The following ATXN1 variants were observed in gnomAD, a reference collection of about 807,000 sequenced individuals.
ATXN1 encodes ataxin-1.
In ATXN1, 8 loss-of-function variants were observed where a neutral mutation model predicts 56.4. That is an observed-to-expected ratio of 0.14 (90% CI 0.08 to 0.26). ATXN1 has a LOEUF of 0.26. Ranked by LOEUF, ATXN1 falls within the 10% of genes least tolerant of loss-of-function variation. The pLI, the probability that ATXN1 is intolerant of heterozygous loss-of-function variation, is 1.00. For synonymous variants in ATXN1, 514 were observed against 494.6 expected, an observed-to-expected ratio of 1.04 and a Z score of -0.52; for missense variants, 987 against 1,106.5, an observed-to-expected ratio of 0.89 and a Z score of 1.53.
At chr6:16,366,565 G>A (rs1309045345) in intron 6 of ATXN1, among the ~76,000 whole-genome samples, 1 of 152,148 alleles carries the variant, frequency 6.6e-6, no homozygotes, top group African/African-American at 2.4e-5. Flanking sequence ...TGGATCACTT[G>A]AGGTCAGGTG....
chr6:16,370,257 C>T (rs1413109613), intron 6 of ATXN1, among the ~76,000 whole-genome samples: 2 of 152,160 alleles, frequency 1.3e-5, no homozygotes, highest in African/African-American at 4.8e-5. Flanking sequence ...AGGAATTGTT[C>T]TTTCCACATC....
At chr6:16,415,969 A>G (rs1164904964) in intron 6 of ATXN1, among the ~76,000 whole-genome samples, 1 of 152,156 alleles carries the variant, frequency 6.6e-6, no homozygotes, top group African/African-American at 2.4e-5. Flanking sequence ...CCCTCCCTTC[A>G]GAATGAGTGG....
intron 3 of ATXN1, among the ~76,000 whole-genome samples, chr6:16,588,763 T>C (rs2113768198): frequency 6.6e-6 from 1 of 152,270 alleles, no homozygotes; most frequent in African/African-American, 2.4e-5. Context: ...TAAAATCTTC[T>C]GAGTGAATAA....
At chr6:16,335,193 C>T (rs1359942350) in intron 6 of ATXN1, among the ~76,000 whole-genome samples, 1 of 152,230 alleles carries the variant, frequency 6.6e-6, no homozygotes, top group Non-Finnish European at 1.5e-5. Flanking sequence ...TTGCTGTGTC[C>T]TCAGTGGAAA....
chr6:16,396,226 ATG>A (rs995822248), intron 6 of ATXN1, among the ~76,000 whole-genome samples: 4 of 151,750 alleles, frequency 2.6e-5, no homozygotes, highest in African/African-American at 9.7e-5. Context: ...AGGCTAATGT[ATG>A]TGTTTGTGTC....
rs1449714056 is a variant in ATXN1 at position 16,649,603 on chromosome 6, T to C, written c.-489+8173A>G. 2.6e-5 allele frequency among the ~76,000 whole-genome samples: 4 copies of C among 152,380 alleles called. No individual in the cohort carries two copies. In the East Asian group the frequency reaches 5.8e-4, roughly 22 times the overall value. ...AAAGATATACGCCAGTAGTTTAGTT[T>C]AAATGATGTGAGGCTGAATCCAACT... is the stretch of plus-strand genomic sequence containing the variant. On this transcript the variant is annotated intron_variant, in intron 3 of 7. Transcript: ENST00000436367.
intron 2 of ATXN1, among the ~76,000 whole-genome samples, chr6:16,731,439 CTTT>C (rs201673319): frequency 2.0e-4 from 17 of 85,014 alleles, no homozygotes; most frequent in African/African-American, 5.9e-4. Flanking sequence ...ACGAGAGAGG[CTTT>C]TTTTTTCTTT....
intron 3 of ATXN1, among the ~76,000 whole-genome samples, chr6:16,642,176 C>T (rs1311662880): frequency 3.3e-5 from 5 of 152,058 alleles, no homozygotes; most frequent in South Asian, 2.1e-4. Flanking sequence ...TCACAAGGTC[C>T]GGAGATAGAG....
chr6:16,651,639 C>G (rs1479218015), intron 3 of ATXN1, among the ~76,000 whole-genome samples: 1 of 151,908 alleles, frequency 6.6e-6, no homozygotes, highest in African/African-American at 2.4e-5. Context: ...GCTAGTGACC[C>G]TGGAGCCCAT....
intron 2 of ATXN1, among the ~76,000 whole-genome samples, chr6:16,722,420 T>C (rs1759763097): frequency 6.6e-6 from 1 of 152,216 alleles, no homozygotes; most frequent in Non-Finnish European, 1.5e-5. Context: ...TGTGAAGTTA[T>C]AAAGAAAAGA....
intron 6 of ATXN1, among the ~76,000 whole-genome samples, chr6:16,431,668 C>T (rs1054346828): frequency 6.6e-6 from 1 of 152,142 alleles, no homozygotes; most frequent in African/African-American, 2.4e-5. Context: ...CTCACAACTA[C>T]CTCATCACCC....
At chr6:16,438,022 G>A (rs540698739) in intron 6 of ATXN1, among the ~76,000 whole-genome samples, 1 of 152,228 alleles carries the variant, frequency 6.6e-6, no homozygotes, top group Non-Finnish European at 1.5e-5. Context: ...TGGTCCATGA[G>A]GCTAGGGGTA....
In ATXN1 at chr6:16,597,590, C is replaced by T. The variant is rs150198749; in HGVS notation, c.-488-11683G>A. Among the ~76,000 whole-genome samples the T allele has an allele frequency of 2.6e-5, 4 of 152,214 alleles. No individual in the cohort carries two copies. In the East Asian group the frequency reaches 7.7e-4, roughly 29 times the overall value. Reference sequence around the variant, plus strand: ...AGTAGCTGGGCTTCCAGGCACATGCCACCACACTTGGCTATTTTTTTGTAT... The same window carrying T: ...AGTAGCTGGGCTTCCAGGCACATGCTACCACACTTGGCTATTTTTTTGTAT... On this transcript the variant is annotated intron_variant, in intron 3 of 7. Coordinates refer to ENST00000436367, the MANE Select transcript of ATXN1 (RefSeq NM_001128164.2).
chr6:16,656,237 CCT>C (rs1381909657), intron 3 of ATXN1, among the ~76,000 whole-genome samples: 1 of 120,570 alleles, frequency 8.3e-6, no homozygotes, highest in African/African-American at 3.1e-5. Flanking sequence ...ACAATGAGCC[CCT>C]CTGCAAATGA....
At chr6:16,604,588 C>CT (rs376581013) in intron 3 of ATXN1, among the ~76,000 whole-genome samples, 17,642 of 132,676 alleles carry the variant, frequency 0.13, 1,495 homozygotes, top group East Asian at 0.47. Context: ...TGTTTCTCTT[C>CT]TTTTTTTTTT....
chr6:16,621,667 C>T (rs11962254), intron 3 of ATXN1, among the ~76,000 whole-genome samples: 5,012 of 152,246 alleles, frequency 0.033, 193 homozygotes, highest in African/African-American at 0.09. Context: ...GAGCCAAGAT[C>T]GTGCCACTGC....
chr6:16,356,520 A>G (rs1761691024), intron 6 of ATXN1, among the ~76,000 whole-genome samples: 1 of 152,174 alleles, frequency 6.6e-6, no homozygotes, highest in South Asian at 2.1e-4. Context: ...AATTGTTAGT[A>G]TTTTCCCCAC....
intron 2 of ATXN1, among the ~76,000 whole-genome samples, chr6:16,679,593 A>T (rs12196785): frequency 0.4 from 60,652 of 152,034 alleles, 12,612 homozygotes; most frequent in Non-Finnish European, 0.46. Flanking sequence ...GACACTCCAC[A>T]CAGGATTTTA....
chr6:16,396,965 G>T (rs1324527893), intron 6 of ATXN1, among the ~76,000 whole-genome samples: 1 of 152,166 alleles, frequency 6.6e-6, no homozygotes, highest in Non-Finnish European at 1.5e-5. Flanking sequence ...GCATTATATA[G>T]CTTAGATGTG....
Sources: gnomAD v4.1 joint callset for allele counts (sites outside exome capture counted in the v4.1 genomes callset) on GRCh38, gnomAD v4.1.1 for gene constraint, MANE v1.5 for transcripts, NCBI Gene and HGNC (gene_info 2026-07-23, HGNC 2026-07-21) for gene names.